MCPH1: variants seen among roughly 807,000 people sequenced by gnomAD.
MCPH1 encodes microcephalin 1, also known as microcephalin.
A neutral mutation model predicts 84.5 loss-of-function variants in MCPH1; 104 were observed. That is an observed-to-expected ratio of 1.23 (90% CI 1.05 to 1.45). The LOEUF is 1.45. MCPH1 is among the 40% of genes most tolerant of loss of function. The probability of loss-of-function intolerance (pLI) is 0.00; values close to 1 mark genes in which losing one functional copy is unlikely to be tolerated. For missense variants in MCPH1, 1,498 were observed against 1,005.7 expected (o/e 1.49, Z -6.62); for synonymous variants, 514 against 366.8 (o/e 1.40, Z -4.58).
chr8:6,618,708 A>G (rs930066497), intron 12 of MCPH1: 1 of 152,160 alleles, frequency 6.6e-6, no homozygotes, highest in African/African-American at 2.4e-5. Context: ...GATTATTTAA[A>G]ATTATTATTA....
At chr8:6,561,471 G>T (rs1407099335) in intron 12 of MCPH1, among the ~76,000 whole-genome samples, 1 of 152,238 alleles carries the variant, frequency 6.6e-6, no homozygotes, top group Non-Finnish European at 1.5e-5. Flanking sequence ...TAGGCTCCAA[G>T]ATCCGTTCTG....
chr8:6,579,566 A>C (rs918499681), intron 12 of MCPH1, among the ~76,000 whole-genome samples: 2 of 152,172 alleles, frequency 1.3e-5, no homozygotes, highest in Admixed American at 1.3e-4. Context: ...ATGTGACTGT[A>C]GTTAGTATGT....
chr8:6,643,117 A>C lies in MCPH1; in HGVS notation c.*68A>C. On this transcript the variant is annotated 3_prime_UTR_variant, in exon 14 of 14. Coordinates refer to ENST00000344683, the MANE Select transcript of MCPH1 (RefSeq NM_024596.5). ...AACTGTCTTTGGATGTTCAAATGAG[A>C]AACAAAACTGTGAAGAGAAGGAACT... The C allele has an allele frequency of 7.4e-7, 1 of 1,350,286 alleles. No individual in the cohort carries two copies. Among genetic ancestry groups the C allele is most frequent in the Non-Finnish European group, 1.1e-6 (1 of 942,584 alleles). The allele number at this position is 1,350,286 out of a possible 1,614,324, so 83.6% of individuals were successfully genotyped here.
At chr8:6,490,436 CTATCCCCAA>C (rs1810434369) in intron 11 of MCPH1, among the ~76,000 whole-genome samples, 1 of 152,162 alleles carries the variant, frequency 6.6e-6, no homozygotes, top group African/African-American at 2.4e-5. Flanking sequence ...CTTCTAAACT[CTATCCCCAA>C]GTTAAAATGA....
At chr8:6,523,534 T>G (rs560434091) in intron 12 of MCPH1, among the ~76,000 whole-genome samples, 1 of 152,306 alleles carries the variant, frequency 6.6e-6, no homozygotes, top group Non-Finnish European at 1.5e-5. Flanking sequence ...GTTAACTGTT[T>G]CCCAGGAACA....
At chr8:6,423,640 T>C (rs947388991) in intron 3 of MCPH1, among the ~76,000 whole-genome samples, 1 of 152,218 alleles carries the variant, frequency 6.6e-6, no homozygotes, top group Non-Finnish European at 1.5e-5. Context: ...ATTAGAAATA[T>C]TACAGCATTG....
rs368517055 is a variant in MCPH1, at chr8:6,408,838, C to A, written c.23-441C>A. On this transcript the variant is annotated intron_variant, in intron 1 of 13. Coordinates refer to ENST00000344683, the MANE Select transcript of MCPH1 (RefSeq NM_024596.5). The stretch of plus-strand genomic sequence containing the variant: ...TTGGCCTTCCAGAGTGCTGCAATTA[C>A]AGCATGAGCCACCACACCTGGCCAG... Among the ~76,000 whole-genome samples, 24 of 152,084 alleles carry A rather than the reference C, an allele frequency of 1.6e-4. No individual in the cohort carries two copies. The East Asian group carries it at 3.5e-3, about 22-fold the overall frequency.
chr8:6,438,848 G>A (rs952614882), intron 5 of MCPH1, 105 bp from the exon 6 acceptor site: 4 of 1,014,344 alleles, frequency 3.9e-6, no homozygotes, highest in Non-Finnish European at 6.0e-6. Context: ...TGTTGAAAGG[G>A]AAGAAGGAAA....
At chr8:6,434,198 G>C (rs1182729498) in intron 4 of MCPH1, among the ~76,000 whole-genome samples, 1 of 152,210 alleles carries the variant, frequency 6.6e-6, no homozygotes, top group Non-Finnish European at 1.5e-5. Flanking sequence ...ACAGTTGCTA[G>C]AGAAGATTCA....
At chr8:6,453,920 A>C (rs903363589) in intron 8 of MCPH1, among the ~76,000 whole-genome samples, 1 of 152,110 alleles carries the variant, frequency 6.6e-6, no homozygotes, top group African/African-American at 2.4e-5. Context: ...GTGGTTTAGA[A>C]CTGGACCTTA....
chr8:6,503,336 C>A, intron 12 of MCPH1: 1 of 1,537,548 alleles, frequency 6.5e-7, no homozygotes, highest in Non-Finnish European at 8.9e-7. Context: ...CAATACTCAG[C>A]TAAGGCAGGA....
chr8:6,638,620 G>A (rs571457537), intron 13 of MCPH1, among the ~76,000 whole-genome samples: 98 of 150,840 alleles, frequency 6.5e-4, no homozygotes, highest in African/African-American at 2.3e-3. Flanking sequence ...TAAATTTCAC[G>A]GAGCTGCTCA....
intron 3 of MCPH1, among the ~76,000 whole-genome samples, chr8:6,423,378 G>C (rs1406052546): frequency 1.3e-5 from 2 of 151,004 alleles, no homozygotes; most frequent in Admixed American, 1.3e-4. Flanking sequence ...TGTTAGCCAG[G>C]ATGGTCTCCA....
intron 8 of MCPH1, among the ~76,000 whole-genome samples, chr8:6,451,559 AGT>A (rs1215377640): frequency 2.8e-5 from 2 of 72,720 alleles, no homozygotes; most frequent in East Asian, 1.0e-3. Context: ...TCTATTGAAG[AGT>A]GTTGTTTTTG....
chr8:6,505,295 ATATATATG>A (rs1563305756), intron 12 of MCPH1, among the ~76,000 whole-genome samples: 7 of 73,734 alleles, frequency 9.5e-5, no homozygotes, highest in South Asian at 9.1e-4. Flanking sequence ...TGTTATATAC[ATATATATG>A]TATATAACAT....
intron 12 of MCPH1, among the ~76,000 whole-genome samples, chr8:6,613,379 G>A (rs1006476302): frequency 1.3e-5 from 2 of 152,292 alleles, no homozygotes; most frequent in Non-Finnish European, 2.9e-5. Context: ...AGAGAAGCTC[G>A]GCATCTGAAT....
At chr8:6,572,517 A>G (rs1202007485) in intron 12 of MCPH1, among the ~76,000 whole-genome samples, 1 of 152,232 alleles carries the variant, frequency 6.6e-6, no homozygotes, top group Non-Finnish European at 1.5e-5. Context: ...ACTAAAATAC[A>G]AGCTACAATG....
In MCPH1 at chr8:6,646,663, G is replaced by A. The variant is rs1248293091; in HGVS notation, c.*3614G>A. 6.6e-6 allele frequency: 1 copy of A among 152,192 alleles called. No individual in the cohort carries two copies. The highest frequency in any genetic ancestry group is 1.5e-5 in the Non-Finnish European group (1 of 68,052). The allele number at this position is 152,192 out of a possible 1,614,324, so 9.4% of individuals were successfully genotyped here. A position where few individuals can be genotyped will look rare whatever the true frequency, so the allele number is the denominator to read the frequency against. Reference sequence around the variant, plus strand: ...TTGCTGGGGTGGATAATTCTTTCCTGTGGAGAGCTGTCCTGTGCACTGTAG... The same window carrying A: ...TTGCTGGGGTGGATAATTCTTTCCTATGGAGAGCTGTCCTGTGCACTGTAG... On this transcript the variant is annotated 3_prime_UTR_variant, in exon 14 of 14. Transcript: ENST00000344683.
chr8:6,412,479 C>T (rs1294424384), intron 2 of MCPH1, among the ~76,000 whole-genome samples: 1 of 152,158 alleles, frequency 6.6e-6, no homozygotes, highest in African/African-American at 2.4e-5. Flanking sequence ...TTGTAGTACT[C>T]GTAATCCGGG....
Sources: allele counts gnomAD v4.1 joint callset (sites outside exome capture counted in the v4.1 genomes callset), GRCh38; gene constraint gnomAD v4.1.1; transcripts MANE v1.5; gene names NCBI Gene and HGNC (gene_info 2026-07-23, HGNC 2026-07-21).